The following KIAA1328 variants were observed in gnomAD, a reference collection of about 807,000 sequenced individuals.
The protein encoded by KIAA1328 is protein hinderin.
Under a neutral mutation model 68.1 loss-of-function variants are expected in KIAA1328, and 52 were observed. The observed-to-expected ratio is 0.76, with a 90% CI of 0.61 to 0.96. KIAA1328 has a LOEUF of 0.96. Ranked by LOEUF, KIAA1328 falls within the 40% of genes least tolerant of loss-of-function variation. The pLI, the probability that KIAA1328 is intolerant of heterozygous loss-of-function variation, is 0.00. For synonymous variants in KIAA1328, 232 were observed against 239.4 expected (o/e 0.97, Z 0.28); for missense variants, 641 against 677.6 (o/e 0.95, Z 0.60).
At chr18:36,955,447 T>C (rs1018705449) in intron 5 of KIAA1328, among the ~76,000 whole-genome samples, 4 of 151,864 alleles carry the variant, frequency 2.6e-5, no homozygotes, top group Non-Finnish European at 5.9e-5. Flanking sequence ...GTAGCTGGGA[T>C]GACAGGTGCC....
At chr18:37,006,366 A>G (rs2053783061) in intron 6 of KIAA1328, among the ~76,000 whole-genome samples, 2 of 152,158 alleles carry the variant, frequency 1.3e-5, no homozygotes, top group South Asian at 4.1e-4. Context: ...TACACATAAA[A>G]CAATAAAACA....
intron 5 of KIAA1328, among the ~76,000 whole-genome samples, chr18:36,953,642 G>A (rs1488516381): frequency 6.6e-6 from 1 of 152,038 alleles, no homozygotes; most frequent in East Asian, 1.9e-4. Flanking sequence ...AGAACTAAAT[G>A]AAGTGGCAAG....
chr18:36,847,184 G>A (rs926975748), intron 4 of KIAA1328, among the ~76,000 whole-genome samples: 3 of 151,398 alleles, frequency 2.0e-5, no homozygotes, highest in Admixed American at 6.6e-5. Flanking sequence ...ATGGGCATTT[G>A]GGTTCTTCAG....
chr18:37,180,223 G>C (rs2059673866), intron 9 of KIAA1328, among the ~76,000 whole-genome samples: 1 of 152,070 alleles, frequency 6.6e-6, no homozygotes, highest in Non-Finnish European at 1.5e-5. Flanking sequence ...CATTTAAATT[G>C]CATCACAATC....
chr18:37,028,228 A>G (rs1328404691), intron 6 of KIAA1328, among the ~76,000 whole-genome samples: 1 of 152,120 alleles, frequency 6.6e-6, no homozygotes, highest in African/African-American at 2.4e-5. Flanking sequence ...GTGTTTTATC[A>G]TTCTTATAGA....
chr18:36,954,687 C>CTTTTTTTTTT (rs35883053), intron 5 of KIAA1328, among the ~76,000 whole-genome samples: 2 of 121,074 alleles, frequency 1.7e-5, no homozygotes, highest in Non-Finnish European at 3.6e-5. Context: ...AAAGACTTCA[C>CTTTTTTTTTT]TTTTTTTTTT....
chr18:37,014,914 TA>T (rs1188596194), intron 6 of KIAA1328, among the ~76,000 whole-genome samples: 87 of 152,194 alleles, frequency 5.7e-4, no homozygotes, highest in Admixed American at 1.8e-3. Context: ...TATTTTATTT[TA>T]TTTTTTTAGA....
chr18:36,941,643 T>C (rs1440497357), intron 5 of KIAA1328, among the ~76,000 whole-genome samples: 1 of 151,978 alleles, frequency 6.6e-6, no homozygotes, highest in Non-Finnish European at 1.5e-5. Context: ...TTAAATGAGA[T>C]AGAAAAAGTC....
In KIAA1328 at chr18:36,905,823, C is replaced by G. The variant is rs1266008963; in HGVS notation, c.448+20151C>G. On this transcript the variant is annotated intron_variant, in intron 5 of 9. Coordinates refer to ENST00000280020, the MANE Select transcript of KIAA1328 (RefSeq NM_020776.3). ...CCAGAGTGTTAAGTTGGCAGCTAAA[C>G]ATGAGCTCAGATTGATGTCTTCAAT... Among the ~76,000 whole-genome samples the G allele has an allele frequency of 7.9e-5, 12 of 152,152 alleles. No individual in the cohort carries two copies. The East Asian group carries it at 2.3e-3, about 29-fold the overall frequency.
chr18:37,001,641 A>G lies in KIAA1328; in HGVS notation c.576+42206A>G, dbSNP rs547263253. On this transcript the variant is annotated intron_variant, in intron 6 of 9. Coordinates refer to ENST00000280020, the MANE Select transcript of KIAA1328 (RefSeq NM_020776.3). Reference sequence around the variant, plus strand: ...ACAGTATACTAGCAAACCAAATCCAACAGTACATGAAAAACATGATTACAT... The same window carrying G: ...ACAGTATACTAGCAAACCAAATCCAGCAGTACATGAAAAACATGATTACAT... Among the ~76,000 whole-genome samples the G allele has an allele frequency of 6.4e-4, 97 of 152,240 alleles. 2 individuals are homozygous for G. The South Asian group carries it at 0.019, about 31-fold the overall frequency.
Position 36,835,309 on chromosome 18 carries a change from C to T in KIAA1328, c.170C>T (p.Ser57Phe), listed in dbSNP as rs1283679932. Reference sequence around the variant, plus strand: ...AAAGCTGATGTTAAACTTAAGACTTCCAGGGTGACTGATGCTTCAATCTCC... The same window carrying T: ...AAAGCTGATGTTAAACTTAAGACTTTCAGGGTGACTGATGCTTCAATCTCC... ...SPKADVKLKTSRVTDASISME... is the reference protein window; with the variant it reads ...SPKADVKLKTFRVTDASISME... The change falls in exon 3 of 10, where the codon TCC becomes TTC. Residue 57 changes from serine (S) to phenylalanine (F), a missense_variant. Ser to Phe is a radical substitution (Grantham distance 155). Transcript: ENST00000280020. 6.2e-7 allele frequency: 1 copy of T among 1,613,684 alleles called. No homozygotes were observed. The highest frequency in any genetic ancestry group is 8.5e-7 in the Non-Finnish European group (1 of 1,179,694).
intron 9 of KIAA1328, among the ~76,000 whole-genome samples, chr18:37,192,005 C>T (rs2059913612): frequency 6.6e-6 from 1 of 152,196 alleles, no homozygotes; most frequent in Non-Finnish European, 1.5e-5. Flanking sequence ...TTTCAGCTTG[C>T]TCACAAATCA....
chr18:37,156,230 A>G (rs1420100291), intron 7 of KIAA1328, among the ~76,000 whole-genome samples: 1 of 151,990 alleles, frequency 6.6e-6, no homozygotes, highest in African/African-American at 2.4e-5. Flanking sequence ...AACATGGAGA[A>G]ACCCCATCTC....
At chr18:36,949,286 T>A (rs1003824929) in intron 5 of KIAA1328, among the ~76,000 whole-genome samples, 5 of 152,224 alleles carry the variant, frequency 3.3e-5, no homozygotes, top group African/African-American at 1.2e-4. Flanking sequence ...AGAAAATGCA[T>A]GGTTTTTAAT....
At chr18:37,143,177 A>G (rs905369588) in intron 7 of KIAA1328, among the ~76,000 whole-genome samples, 6 of 151,582 alleles carry the variant, frequency 4.0e-5, no homozygotes, top group Admixed American at 6.6e-5. Flanking sequence ...CTGGTCTCGA[A>G]CTCCTGGCCT....
At chr18:37,052,922 A>G (rs1405990427) in intron 6 of KIAA1328, among the ~76,000 whole-genome samples, 1 of 152,156 alleles carries the variant, frequency 6.6e-6, no homozygotes, top group Non-Finnish European at 1.5e-5. Context: ...TACTGCCCAA[A>G]TCGATTTATA....
At chr18:36,833,843 T>C (rs893804695) in intron 1 of KIAA1328, among the ~76,000 whole-genome samples, 8 of 152,258 alleles carry the variant, frequency 5.3e-5, no homozygotes, top group Non-Finnish European at 1.0e-4. Flanking sequence ...ATAATGTCTT[T>C]GTGTTTGCAT....
In KIAA1328 at chr18:36,905,081, ATATTTATTTATTTATTTATT is replaced by A. The variant is rs55910118; in HGVS notation, c.448+19438_448+19457del. 1.4e-3 allele frequency among the ~76,000 whole-genome samples: 196 copies of A among 142,584 alleles called. 4 individuals carry two copies. In the South Asian group the frequency reaches 0.031, roughly 23 times the overall value. 93.5% of individuals were successfully genotyped at this position (142,584 alleles called of 152,430 possible). A position where few individuals can be genotyped will look rare whatever the true frequency, so the allele number is the denominator to read the frequency against. On this transcript the variant is annotated intron_variant, in intron 5 of 9. Coordinates refer to ENST00000280020, the MANE Select transcript of KIAA1328 (RefSeq NM_020776.3). Reference sequence around the variant, plus strand: ...TGTTAAATAATTATCTTGTAAGGAGATATTTATTTATTTATTTATTTATTTATTTATTTATTTATTTATTT... The same window carrying A: ...TGTTAAATAATTATCTTGTAAGGAGATATTTATTTATTTATTTATTTATTT...
Position 36,885,580 on chromosome 18 carries a change from CAG to C in KIAA1328, c.359_360del (p.Glu120GlyfsTer6), listed in dbSNP as rs369548681. 9.8e-4 allele frequency: 1,535 copies of C among 1,563,290 alleles called. 2 individuals carry two copies. Among genetic ancestry groups the C allele is most frequent in the Non-Finnish European group, 1.3e-3 (1,472 of 1,159,028 alleles). Reference sequence around the variant, plus strand: ...AGAGTAAGTGAGGAAAAGGAAGTGACAGAGGAAAGACTGAAAGCTGAGCAGGA... The same window carrying C: ...AGAGTAAGTGAGGAAAAGGAAGTGACAGGAAAGACTGAAAGCTGAGCAGGA... On this transcript the variant is annotated frameshift_variant, in exon 5 of 10. Coordinates refer to ENST00000280020, the MANE Select transcript of KIAA1328 (RefSeq NM_020776.3). LOFTEE classifies it high-confidence loss of function.
Sources: allele counts gnomAD v4.1 joint callset (sites outside exome capture counted in the v4.1 genomes callset), GRCh38; gene constraint gnomAD v4.1.1; transcripts MANE v1.5; gene names NCBI Gene and HGNC (gene_info 2026-07-23, HGNC 2026-07-21).